ARHGAP42: variants seen among roughly 807,000 people sequenced by gnomAD.
ARHGAP42 encodes Rho GTPase activating protein 42.
In ARHGAP42, 63 loss-of-function variants were observed where a neutral mutation model predicts 125.0. The observed-to-expected ratio is 0.50, with a 90% CI of 0.41 to 0.62. The LOEUF (loss-of-function observed/expected upper bound fraction) is 0.62, where lower values mean the gene tolerates loss of function less well. Ranked by LOEUF, ARHGAP42 falls within the 20% of genes least tolerant of loss-of-function variation. The pLI is 0.00. For missense variants in ARHGAP42, 766 were observed against 1,024.2 expected (o/e 0.75, Z 3.44); for synonymous variants, 339 against 351.0 (o/e 0.97, Z 0.38).
At position 100,909,575 on chromosome 11, in the gene ARHGAP42, C is replaced by G. The variant is rs1866853755; in HGVS notation, c.385-3877C>G. Among the ~76,000 whole-genome samples the G allele has an allele frequency of 2.0e-5, 3 of 152,090 alleles. No individual in the cohort carries two copies. The South Asian group carries it at 6.2e-4, about 31-fold the overall frequency. On this transcript the variant is annotated intron_variant, in intron 4 of 23. Coordinates refer to ENST00000298815, the MANE Select transcript of ARHGAP42 (RefSeq NM_152432.4). Reference sequence around the variant, plus strand: ...GCCATGCTGGTCTCGAACTCCTGACCTCGGACGATCCATCTCCCAAAGTGC... The same window carrying G: ...GCCATGCTGGTCTCGAACTCCTGACGTCGGACGATCCATCTCCCAAAGTGC...
At chr11:100,854,449 T>C (rs1408879849) in intron 3 of ARHGAP42, among the ~76,000 whole-genome samples, 1 of 152,200 alleles carries the variant, frequency 6.6e-6, no homozygotes, top group Non-Finnish European at 1.5e-5. Flanking sequence ...TCAGAATTAA[T>C]TGAATGACTA....
intron 3 of ARHGAP42, among the ~76,000 whole-genome samples, chr11:100,807,339 G>T (rs1338806237): frequency 6.6e-6 from 1 of 151,906 alleles, no homozygotes; most frequent in Non-Finnish European, 1.5e-5. Context: ...GAGATTACAG[G>T]CATGCATCAA....
chr11:100,855,200 C>T (rs796776416), intron 3 of ARHGAP42, among the ~76,000 whole-genome samples: 10 of 152,126 alleles, frequency 6.6e-5, no homozygotes, highest in African/African-American at 2.4e-4. Flanking sequence ...ATAACTAAAT[C>T]TTTGCATCAA....
intron 3 of ARHGAP42, among the ~76,000 whole-genome samples, chr11:100,837,154 G>C (rs1294729957): frequency 1.3e-5 from 2 of 151,764 alleles, no homozygotes; most frequent in Non-Finnish European, 2.9e-5. Flanking sequence ...ACGACTCTTT[G>C]TCTTGAGACT....
chr11:100,723,349 A>T (rs1310978511), intron 1 of ARHGAP42, among the ~76,000 whole-genome samples: 1 of 152,224 alleles, frequency 6.6e-6, no homozygotes, highest in Non-Finnish European at 1.5e-5. Flanking sequence ...ATTGCATTCA[A>T]TCTATAGATC....
intron 1 of ARHGAP42, among the ~76,000 whole-genome samples, chr11:100,762,300 C>A (rs1862722659): frequency 6.6e-6 from 1 of 152,164 alleles, no homozygotes; most frequent in East Asian, 1.9e-4. Flanking sequence ...CAGCACATTA[C>A]TGTAGTGACG....
chr11:100,719,951 G>T (rs117594293), intron 1 of ARHGAP42, among the ~76,000 whole-genome samples: 10,628 of 152,206 alleles, frequency 0.07, 492 homozygotes, highest in Non-Finnish European at 0.097. Flanking sequence ...TGCCTCCCCT[G>T]CTGAATGTGG....
rs1858826529 is a variant in ARHGAP42, at chr11:100,991,325, C to T, written c.*2524C>T. 6.6e-6 allele frequency: 1 copy of T among 152,092 alleles called. No individual in the cohort carries two copies. Among genetic ancestry groups the T allele is most frequent in the African/African-American group, 2.4e-5 (1 of 41,420 alleles). 9.4% of individuals were successfully genotyped at this position (152,092 alleles called of 1,614,324 possible). On this transcript the variant is annotated 3_prime_UTR_variant, in exon 24 of 24. Transcript: ENST00000298815. Reference sequence around the variant, plus strand: ...CTCTAAATCACACAGAATGTTAATTCCACAGGAAGGCAATGCCAGACATTG... The same window carrying T: ...CTCTAAATCACACAGAATGTTAATTTCACAGGAAGGCAATGCCAGACATTG...
chr11:100,758,082 A>G (rs1159179487), intron 1 of ARHGAP42, among the ~76,000 whole-genome samples: 2 of 152,242 alleles, frequency 1.3e-5, no homozygotes, highest in African/African-American at 4.8e-5. Context: ...AGAAAAATCA[A>G]TAAAAATATA....
intron 5 of ARHGAP42, among the ~76,000 whole-genome samples, chr11:100,918,956 C>T (rs1035186363): frequency 2.6e-5 from 4 of 152,086 alleles, no homozygotes; most frequent in Admixed American, 2.0e-4. Flanking sequence ...AAGACCACCC[C>T]CAGCTTTGGT....
At chr11:100,778,529 G>A (rs1374622746) in intron 2 of ARHGAP42, among the ~76,000 whole-genome samples, 1 of 151,778 alleles carries the variant, frequency 6.6e-6, no homozygotes, top group Non-Finnish European at 1.5e-5. Flanking sequence ...CTTTTTAATA[G>A]CTCTCAGTTG....
At position 100,965,740 on chromosome 11, in the gene ARHGAP42, G is replaced by T; in HGVS notation, c.1514G>T (p.Arg505Ile). 1 of 1,551,280 alleles carries T rather than the reference G, an allele frequency of 6.4e-7. No homozygotes were observed. The highest frequency in any genetic ancestry group is 8.7e-7 in the Non-Finnish European group (1 of 1,146,866). The change falls in exon 17 of 24, where the codon AGA (arginine) becomes ATA (isoleucine). Residue 505 changes from arginine to isoleucine, a missense_variant. This residue lies in a region of ARHGAP42 where 455 missense variants were observed against 636.5 expected (regional missense o/e 0.71). Coordinates refer to ENST00000298815, the MANE Select transcript of ARHGAP42 (RefSeq NM_152432.4). ...GTGCACAAATTGCCGGAGAAAAACA[G>T]AGAGATGCTGGACATCTTAATAAAG... ...ALVHKLPEKN[R>I]EMLDILIKHL...
chr11:100,938,386 G>A (rs565155914), intron 8 of ARHGAP42, among the ~76,000 whole-genome samples: 2 of 152,140 alleles, frequency 1.3e-5, no homozygotes, highest in East Asian at 3.9e-4. Flanking sequence ...TGTCTGAATT[G>A]GAGGGTCTCA....
intron 9 of ARHGAP42, 56 bp downstream of exon 9, chr11:100,941,940 G>A: frequency 8.1e-7 from 1 of 1,233,262 alleles, no homozygotes; most frequent in Non-Finnish European, 1.1e-6. Flanking sequence ...TTAAGTAATG[G>A]AATTAAAACA....
intron 4 of ARHGAP42, among the ~76,000 whole-genome samples, chr11:100,875,107 CTGTGTGTG>C (rs67247250): frequency 0.063 from 5,082 of 81,126 alleles, 126 homozygotes; most frequent in South Asian, 0.073. Context: ...CTCTCTCTCT[CTGTGTGTG>C]TGTGTGTGTG....
intron 7 of ARHGAP42, among the ~76,000 whole-genome samples, chr11:100,934,227 G>A (rs567519185): frequency 6.6e-6 from 1 of 152,194 alleles, no homozygotes. Flanking sequence ...AGGTTTGAAT[G>A]TGGTTTCGAG....
At chr11:100,936,967 G>A (rs375072082) in intron 8 of ARHGAP42, among the ~76,000 whole-genome samples, 13 of 152,304 alleles carry the variant, frequency 8.5e-5, no homozygotes, top group African/African-American at 3.1e-4. Context: ...CTTTCAAACC[G>A]GATATGCCCT....
intron 5 of ARHGAP42, among the ~76,000 whole-genome samples, chr11:100,916,047 C>T (rs527814585): frequency 6.6e-6 from 1 of 152,148 alleles, no homozygotes; most frequent in Non-Finnish European, 1.5e-5. Context: ...GCACAGCTGA[C>T]TCCTTATTCA....
intron 3 of ARHGAP42, among the ~76,000 whole-genome samples, chr11:100,796,186 A>AT (rs1863708043): frequency 6.6e-6 from 1 of 151,610 alleles, no homozygotes; most frequent in African/African-American, 2.4e-5. Flanking sequence ...AATGTTTCAA[A>AT]TTTTTTCATT....
Sources: gnomAD v4.1 joint callset for allele counts (sites outside exome capture counted in the v4.1 genomes callset) on GRCh38, gnomAD v4.1.1 for gene constraint, gnomAD v4.1.1 regional missense constraint, MANE v1.5 for transcripts, NCBI Gene and HGNC (gene_info 2026-07-23, HGNC 2026-07-21) for gene names.